TRMT11: variants seen among roughly 807,000 people sequenced by gnomAD.
The protein encoded by TRMT11 is tRNA methyltransferase 11.
TRMT11 carries 53 observed loss-of-function variants against 62.8 expected under a neutral mutation model. The observed-to-expected ratio is 0.84, with a 90% CI of 0.68 to 1.06. TRMT11 has a LOEUF of 1.06. Ranked by LOEUF, TRMT11 falls within the 50% of genes least tolerant of loss-of-function variation. TRMT11 has a pLI of 0.00. For missense variants in TRMT11, 556 were observed against 553.4 expected (o/e 1.00, Z -0.05); for synonymous variants, 188 against 190.3 (o/e 0.99, Z 0.10).
At chr6:126,170,358 T>G (rs2128235483) in intron 21 of TRMT11, among the ~76,000 whole-genome samples, 1 of 152,346 alleles carries the variant, frequency 6.6e-6, no homozygotes, top group African/African-American at 2.4e-5. Context: ...CTATGAGTTT[T>G]TTATACTTGA....
the TRMT11 span, among the ~76,000 whole-genome samples, chr6:126,225,813 C>CT: frequency 2.0e-5 from 3 of 151,212 alleles, no homozygotes; most frequent in Non-Finnish European, 4.4e-5. Flanking sequence ...CCTCAGCCTC[C>CT]TGAGTAGCTG....
intron 1 of TRMT11, among the ~76,000 whole-genome samples, chr6:126,196,391 A>G (rs955722977): frequency 3.3e-5 from 5 of 152,190 alleles, no homozygotes; most frequent in Non-Finnish European, 7.3e-5. Flanking sequence ...CTAAGTTGTA[A>G]AATAACATCA....
chr6:126,080,111 GT>G (rs1316373338), intron 17 of TRMT11, among the ~76,000 whole-genome samples: 1 of 151,850 alleles, frequency 6.6e-6, no homozygotes, highest in Non-Finnish European at 1.5e-5. Context: ...TGTTGTTGTT[GT>G]TTTTTTAGAG....
Position 126,165,017 on chromosome 6 carries a change from G to A in TRMT11, c.*1824-9808G>A, listed in dbSNP as rs149868037. Among the ~76,000 whole-genome samples, 34 of 152,134 alleles carry A rather than the reference G, an allele frequency of 2.2e-4. 2 individuals are homozygous for A. The East Asian group carries it at 6.2e-3, about 28-fold the overall frequency. On this transcript the variant is annotated intron_variant and NMD_transcript_variant, in intron 21 of 22. Coordinates refer to the TRMT11 transcript ENST00000648977. The stretch of plus-strand genomic sequence containing the variant: ...TCGTTGGCTGGGTGCAGTGGCTCAC[G>A]CCTGTAATCCCAGCACTTTGGGAGG...
chr6:126,230,380 C>T, the TRMT11 span, among the ~76,000 whole-genome samples: 1 of 152,204 alleles, frequency 6.6e-6, no homozygotes, highest in Admixed American at 6.5e-5. Flanking sequence ...GGCTTGGCCA[C>T]TCCTGGCTTC....
At position 126,011,230 on chromosome 6, in the gene TRMT11, TCTTC is replaced by T; in HGVS notation, c.761-19_761-16del. ...AGAATACTCTGTTTAATACTTTCTCTCTTCCTTTTTCTTTCCCTTCAGGAAAGGC... is the reference window on the plus strand; with the variant it reads ...AGAATACTCTGTTTAATACTTTCTCTCTTTTTCTTTCCCTTCAGGAAAGGC... On this transcript the variant is annotated intron_variant, in intron 8 of 12. Transcript: ENST00000334379. 1 of 1,595,090 alleles carries T rather than the reference TCTTC, an allele frequency of 6.3e-7. No homozygotes were observed. The highest frequency in any genetic ancestry group is 8.5e-7 in the Non-Finnish European group (1 of 1,169,776).
intron 21 of TRMT11, among the ~76,000 whole-genome samples, chr6:126,151,624 T>TC (rs1391839540): frequency 6.6e-6 from 1 of 152,116 alleles, no homozygotes; most frequent in Non-Finnish European, 1.5e-5. Context: ...GCCAAATGCC[T>TC]CCCACTTTCA....
At chr6:126,271,022 C>G in the TRMT11 span, among the ~76,000 whole-genome samples, 1 of 152,072 alleles carries the variant, frequency 6.6e-6, no homozygotes, top group Non-Finnish European at 1.5e-5. Flanking sequence ...CAAACATGTT[C>G]TCATCACACA....
the TRMT11 span, among the ~76,000 whole-genome samples, chr6:126,248,926 AGTT>A: frequency 6.6e-6 from 1 of 152,108 alleles, no homozygotes; most frequent in African/African-American, 2.4e-5. Context: ...GTTAAACACC[AGTT>A]GTAAGATTAT....
chr6:126,247,477 C>CTATCTATCTATCTGTT, the TRMT11 span, among the ~76,000 whole-genome samples: 128 of 148,550 alleles, frequency 8.6e-4, no homozygotes, highest in African/African-American at 2.9e-3. Flanking sequence ...ATCTATCTAT[C>CTATCTATCTATCTGTT]TATCTATCTA....
At position 125,986,690 on chromosome 6, in the gene TRMT11, G is replaced by C. The variant is rs566134818; in HGVS notation, c.72+68G>C. ...GCTGGAGTGGAGTGGAGTGGGTGGA[G>C]GTGATCTGCATAGCCCGAGGAAGCT... On this transcript the variant is annotated intron_variant, in intron 1 of 12. Transcript: ENST00000334379. The C allele has an allele frequency of 1.6e-5, 23 of 1,444,690 alleles. No individual in the cohort carries two copies. In the South Asian group the frequency reaches 2.8e-4, roughly 18 times the overall value. The allele number at this position is 1,444,690 out of a possible 1,614,324, so 89.5% of individuals were successfully genotyped here.
chr6:126,139,764 T>C (rs1321194419), intron 21 of TRMT11, among the ~76,000 whole-genome samples: 1 of 152,174 alleles, frequency 6.6e-6, no homozygotes, highest in Non-Finnish European at 1.5e-5. Flanking sequence ...ATGTGGTTAT[T>C]TTGTAACTTC....
chr6:126,246,658 T>C, the TRMT11 span, among the ~76,000 whole-genome samples: 1 of 152,038 alleles, frequency 6.6e-6, no homozygotes, highest in African/African-American at 2.4e-5. Context: ...AAGCCAGCAC[T>C]AATAGGACAA....
chr6:126,184,923 A>G (rs532299102), intron 1 of TRMT11, among the ~76,000 whole-genome samples: 6 of 152,318 alleles, frequency 3.9e-5, no homozygotes, highest in African/African-American at 1.4e-4. Context: ...CTTGTGTGGG[A>G]TCAAGCAGAA....
intron 7 of TRMT11, 41 bp from the exon 8 acceptor site, chr6:126,008,351 G>C (rs1435866920): frequency 6.5e-7 from 1 of 1,542,134 alleles, no homozygotes; most frequent in Admixed American, 1.7e-5. Flanking sequence ...CAGGAGTTTG[G>C]GACTTACTGG....
intron 21 of TRMT11, among the ~76,000 whole-genome samples, chr6:126,158,911 C>T (rs1437940036): frequency 6.6e-6 from 1 of 152,138 alleles, no homozygotes; most frequent in Non-Finnish European, 1.5e-5. Context: ...TCTGTCACTT[C>T]CCTCGTTGCC....
chr6:126,045,920 G>A (rs1228086384), intron 16 of TRMT11, among the ~76,000 whole-genome samples: 2 of 151,984 alleles, frequency 1.3e-5, no homozygotes, highest in Non-Finnish European at 2.9e-5. Context: ...TTTTTTTCCA[G>A]TGGGTCTTGG....
chr6:126,197,346 A>G (rs758549154), intron 1 of TRMT11, among the ~76,000 whole-genome samples: 3 of 152,102 alleles, frequency 2.0e-5, no homozygotes, highest in South Asian at 2.1e-4. Context: ...TGTAATTTCA[A>G]TGGGATTTCA....
intron 7 of TRMT11, among the ~76,000 whole-genome samples, chr6:125,999,956 G>T (rs934111547): frequency 6.6e-6 from 1 of 152,146 alleles, no homozygotes; most frequent in Non-Finnish European, 1.5e-5. Flanking sequence ...GTGAAAGAAA[G>T]ACTTGGATGA....
Sources: gnomAD v4.1 joint callset for allele counts (sites outside exome capture counted in the v4.1 genomes callset) on GRCh38, gnomAD v4.1.1 for gene constraint, MANE v1.5 for transcripts, NCBI Gene and HGNC (gene_info 2026-07-23, HGNC 2026-07-21) for gene names.